Variants in FBLN5 observed in about 807,000 individuals in gnomAD.
FBLN5 encodes fibulin 5.
Under a neutral mutation model 61.6 loss-of-function variants are expected in FBLN5, and 24 were observed. The ratio of observed to expected loss-of-function variants is 0.39; its 90% CI spans 0.28 to 0.55. The LOEUF (loss-of-function observed/expected upper bound fraction) is 0.55, where lower values mean the gene tolerates loss of function less well. FBLN5 is among the 20% of genes least tolerant of loss of function. The pLI is 0.65. For missense variants in FBLN5, 470 were observed against 594.1 expected (o/e 0.79, Z 2.17); for synonymous variants, 213 against 219.8 (o/e 0.97, Z 0.27).
intron 4 of FBLN5, among the ~76,000 whole-genome samples, chr14:91,924,763 T>C (rs931153570): frequency 6.6e-6 from 1 of 151,950 alleles, no homozygotes; most frequent in African/African-American, 2.4e-5. Flanking sequence ...AGCTATGGAG[T>C]GTGAGCTGGA....
At chr14:91,919,392 AG>A (rs1255761523) in intron 4 of FBLN5, among the ~76,000 whole-genome samples, 23 of 113,484 alleles carry the variant, frequency 2.0e-4, no homozygotes, top group South Asian at 3.5e-4. Flanking sequence ...AAAGAAAGAA[AG>A]GAAGGAAGGA....
chr14:91,878,442 G>C (rs1889273345), intron 9 of FBLN5, among the ~76,000 whole-genome samples: 1 of 152,048 alleles, frequency 6.6e-6, no homozygotes, highest in Non-Finnish European at 1.5e-5. Context: ...CCCTTCCTCT[G>C]TCTCTGACCC....
intron 4 of FBLN5, among the ~76,000 whole-genome samples, chr14:91,916,788 A>G (rs1465272993): frequency 6.6e-6 from 1 of 152,120 alleles, no homozygotes; most frequent in East Asian, 1.9e-4. Context: ...TTTCCATGCA[A>G]AAGTTAGGAT....
chr14:91,915,115 G>A (rs925103415), intron 4 of FBLN5, among the ~76,000 whole-genome samples: 5 of 150,684 alleles, frequency 3.3e-5, no homozygotes, highest in Admixed American at 6.6e-5. Context: ...AGCCAAGATC[G>A]CACCACTGCA....
intron 4 of FBLN5, among the ~76,000 whole-genome samples, chr14:91,922,318 A>G (rs1432391628): frequency 1.7e-4 from 12 of 69,604 alleles, no homozygotes; most frequent in African/African-American, 5.2e-4. Flanking sequence ...AATAAAGTAA[A>G]TAAATAAATA....
At chr14:91,941,261 A>G (rs554317869) in intron 2 of FBLN5, among the ~76,000 whole-genome samples, 1 of 152,348 alleles carries the variant, frequency 6.6e-6, no homozygotes, top group East Asian at 1.9e-4. Flanking sequence ...TTTCTAAGAA[A>G]AGTTGAATTG....
Position 91,937,101 on chromosome 14 carries a change from C to A in FBLN5, c.225G>T (p.Val75=). 6.2e-7 allele frequency: 1 copy of A among 1,614,016 alleles called. No individual in the cohort carries two copies. ...GYLCIPRTNP[V]YRGPYSNPYS... ...AGGGGTTCGAGTAGGGCCCTCGATA[C>A]ACAGGGTTTGTCCGGGGAATGCATA... The change falls in exon 4 of 11, where the codon GTG becomes GTT. Residue 75 remains valine (V), a synonymous_variant. Coordinates refer to ENST00000342058, the MANE Select transcript of FBLN5 (RefSeq NM_006329.4).
chr14:91,895,133 CA>C (rs1890169610), intron 4 of FBLN5, 61 bp from the exon 5 acceptor site: 1 of 1,605,338 alleles, frequency 6.2e-7, no homozygotes, highest in Non-Finnish European at 8.5e-7. Context: ...CTGGAGCCAC[CA>C]GGGGTGCCAG....
chr14:91,877,856 G>A (rs1889243844), intron 9 of FBLN5, 174 bp from the exon 10 acceptor site: 1 of 679,666 alleles, frequency 1.5e-6, no homozygotes, highest in Non-Finnish European at 2.7e-6. Context: ...CAGCATGTAG[G>A]CGAGCTCTGT....
chr14:91,922,030 G>A (rs1287014102), intron 4 of FBLN5, among the ~76,000 whole-genome samples: 6 of 152,180 alleles, frequency 3.9e-5, no homozygotes, highest in Non-Finnish European at 4.4e-5. Flanking sequence ...GCAGACAGGC[G>A]CGGTGGCCTG....
At chr14:91,942,581 C>CA (rs2056122955) in intron 2 of FBLN5, among the ~76,000 whole-genome samples, 4 of 152,258 alleles carry the variant, frequency 2.6e-5, no homozygotes, top group Non-Finnish European at 4.4e-5. Context: ...AGCAAACCAC[C>CA]ATGGCCCACA....
In FBLN5 at chr14:91,933,175, G is replaced by C. The variant is rs549213150; in HGVS notation, c.379+3772C>G. Among the ~76,000 whole-genome samples the C allele has an allele frequency of 3.3e-5, 5 of 152,348 alleles. No homozygotes were observed. The South Asian group carries it at 1.0e-3, about 32-fold the overall frequency. ...GCAAGGCATTTATGAGACAATCAGA[G>C]AGATTTGAACACTACCTGGATATTT... On this transcript the variant is annotated intron_variant, in intron 4 of 10. Transcript: ENST00000342058.
chr14:91,905,933 A>G (rs1885545914), intron 4 of FBLN5, among the ~76,000 whole-genome samples: 1 of 148,336 alleles, frequency 6.7e-6, no homozygotes, highest in Admixed American at 6.7e-5. Context: ...TGTCACCCAG[A>G]CTGGAGTGCA....
rs1158262301 is a variant in FBLN5 at position 91,882,812 on chromosome 14, C to T, written c.862+142G>A. On this transcript the variant is annotated intron_variant, in intron 8 of 10. Transcript: ENST00000342058. The surrounding 1 kb of genome is among the most constrained non-coding windows in gnomAD (Gnocchi z 4.9). ...CTGCCCAGAGCTGCCACTATGAGAG[C>T]CACCAGCACCCACTCACACCCCCAC... 1.3e-5 allele frequency: 11 copies of T among 877,402 alleles called. No individual in the cohort carries two copies. The highest frequency in any genetic ancestry group is 1.5e-5 in the South Asian group (1 of 66,894). The allele number at this position is 877,402 out of a possible 1,614,324, so 54.4% of individuals were successfully genotyped here. A position where few individuals can be genotyped will look rare whatever the true frequency, so the allele number is the denominator to read the frequency against.
intron 5 of FBLN5, among the ~76,000 whole-genome samples, chr14:91,893,043 G>A (rs1012022684): frequency 6.6e-6 from 1 of 152,010 alleles, no homozygotes; most frequent in African/African-American, 2.4e-5. Context: ...ACATCAGAGG[G>A]TTTCTGTAAC....
At chr14:91,932,900 T>C (rs2256768) in intron 4 of FBLN5, among the ~76,000 whole-genome samples, 127,056 of 152,288 alleles carry the variant, frequency 0.83, 53,307 homozygotes, top group East Asian at 0.97. Context: ...GGATCTGATT[T>C]CAACAAACCA....
chr14:91,919,386 AAAGAAAGG>A (rs1296013402), intron 4 of FBLN5, among the ~76,000 whole-genome samples: 1,016 of 94,550 alleles, frequency 0.011, 13 homozygotes, highest in African/African-American at 0.031. Context: ...GAAAAGAAAG[AAAGAAAGG>A]AAGGAAGGAA....
chr14:91,924,635 T>C (rs1477389787), intron 4 of FBLN5, among the ~76,000 whole-genome samples: 2 of 150,928 alleles, frequency 1.3e-5, no homozygotes, highest in East Asian at 1.9e-4. Flanking sequence ...TGAGCCAAGA[T>C]AGCACCACTG....
intron 5 of FBLN5, among the ~76,000 whole-genome samples, chr14:91,892,387 G>T (rs144622735): frequency 9.2e-5 from 14 of 152,292 alleles, no homozygotes; most frequent in African/African-American, 3.4e-4. Flanking sequence ...GGAACCAGGG[G>T]CCATCCAGGA....
Sources: gnomAD v4.1 joint callset for allele counts (sites outside exome capture counted in the v4.1 genomes callset) on GRCh38, gnomAD v4.1.1 for gene constraint, Gnocchi (gnomAD v3.1) non-coding constraint, MANE v1.5 for transcripts, NCBI Gene and HGNC (gene_info 2026-07-23, HGNC 2026-07-21) for gene names.